Variants in TEP1 observed in about 807,000 individuals in gnomAD.
TEP1 encodes the protein telomerase protein component 1.
Under a neutral mutation model 306.3 loss-of-function variants are expected in TEP1, and 241 were observed. That is an observed-to-expected ratio of 0.79 (90% confidence interval 0.71 to 0.88). The LOEUF (loss-of-function observed/expected upper bound fraction) is 0.88. TEP1 is among the 40% of genes least tolerant of loss of function. The probability of loss-of-function intolerance (pLI) is 0.00; values close to 1 mark genes in which losing one functional copy is unlikely to be tolerated. For synonymous variants in TEP1, 1,289 were observed against 1,305.5 expected (o/e 0.99, Z 0.27); for missense variants, 3,051 against 3,276.1 (o/e 0.93, Z 1.68).
chr14:20,393,636 A>T (rs1271212515), intron 12 of TEP1, among the ~76,000 whole-genome samples: 2 of 152,178 alleles, frequency 1.3e-5, no homozygotes, highest in Admixed American at 6.5e-5. Flanking sequence ...TACTAAAAAT[A>T]CAAAAATTAG....
intron 1 of TEP1, among the ~76,000 whole-genome samples, chr14:20,410,591 T>A (rs1243515966): frequency 7.3e-6 from 1 of 137,184 alleles, no homozygotes; most frequent in Non-Finnish European, 1.5e-5. Flanking sequence ...CCCAGCTGAT[T>A]TTTTTTTCTT....
At position 20,381,462 on chromosome 14, in the gene TEP1, G is replaced by T. The variant is rs1263639022; in HGVS notation, c.4559-61C>A. On this transcript the variant is annotated intron_variant, in intron 31 of 54. Transcript: ENST00000262715. The surrounding 1 kb of genome is among the most constrained non-coding windows in gnomAD (Gnocchi z 4.0). ...CATCATTCCCAAGGGCAGTAGGTGA[G>T]CTGGCCAGCAGATGGGAGCACAGTG... The T allele has an allele frequency of 4.3e-6, 7 of 1,612,508 alleles. No homozygotes were observed. In the East Asian group the frequency reaches 1.6e-4, roughly 36 times the overall value.
At chr14:20,398,057 G>A (rs114207117) in intron 9 of TEP1, among the ~76,000 whole-genome samples, 7,647 of 151,012 alleles carry the variant, frequency 0.051, 199 homozygotes, top group South Asian at 0.079. Context: ...CCAGCCCATA[G>A]TTTCTTAATA....
rs1876570750 is a variant in TEP1 at position 20,381,841 on chromosome 14, A to T, written c.4424+72T>A. The T allele has an allele frequency of 6.3e-7, 1 of 1,584,738 alleles. No individual in the cohort carries two copies. The highest frequency in any genetic ancestry group is 1.3e-5 in the African/African-American group (1 of 74,164). On this transcript the variant is annotated intron_variant, in intron 30 of 54. Coordinates refer to ENST00000262715, the MANE Select transcript of TEP1 (RefSeq NM_007110.5). This position sits in a 1 kb window ranked among gnomAD's most constrained non-coding sequence, Gnocchi z 4.0. ...GGTCTGGGAGCCAGTTGTTGAAGCT[A>T]TACAGAGGGCCCCGGCTCAAAGAAG... is the stretch of plus-strand genomic sequence containing the variant.
chr14:20,404,652 G>A lies in TEP1; in HGVS notation c.991C>T (p.Gln331Ter), dbSNP rs1879027824. The A allele has an allele frequency of 6.2e-7, 1 of 1,614,118 alleles. No homozygotes were observed. The highest frequency in any genetic ancestry group is 8.5e-7 in the Non-Finnish European group (1 of 1,179,990). The part of the protein sequence containing the change: ...HLRRYFCAIV[Q>*]LPSDWIQVAE... ...ACCTGGATCCAGTCAGAAGGCAGCT[G>A]GACAATGGCACAGAAATATCGTCGC... Residue 331 changes from glutamine (Q) to a stop codon, truncating the protein, a stop_gained, in exon 5 of 55, where the codon CAG (glutamine) becomes TAG (stop). Transcript: ENST00000262715. LOFTEE classifies it high-confidence loss of function.
At chr14:20,399,507 A>G (rs113381912) in intron 9 of TEP1, among the ~76,000 whole-genome samples, 5,460 of 151,586 alleles carry the variant, frequency 0.036, 127 homozygotes, top group South Asian at 0.076. Context: ...TATATTTTAT[A>G]CTTATATCTT....
rs894964315 is a variant in TEP1 at position 20,379,789 on chromosome 14, A to G, written c.5127+141T>C. The G allele has an allele frequency of 2.6e-6, 3 of 1,158,300 alleles. No homozygotes were observed. In the African/African-American group the frequency reaches 4.6e-5, roughly 18 times the overall value. The allele number at this position is 1,158,300 out of a possible 1,614,324, so 71.8% of individuals were successfully genotyped here. ...TTGCTGTGTGATTGATTTTTTGGCCAAGCCCTTTGAGCTGATGTGCAGGCA... is the reference window on the plus strand; with the variant it reads ...TTGCTGTGTGATTGATTTTTTGGCCGAGCCCTTTGAGCTGATGTGCAGGCA... On this transcript the variant is annotated intron_variant, in intron 35 of 54. Coordinates refer to ENST00000262715, the MANE Select transcript of TEP1 (RefSeq NM_007110.5).
intron 41 of TEP1, 28 bp downstream of exon 41, chr14:20,377,249 TTTG>T: frequency 6.6e-7 from 1 of 1,515,444 alleles, no homozygotes; most frequent in South Asian, 1.2e-5. Flanking sequence ...AGAACAGTAA[TTTG>T]TTAACCCTGC....
Position 20,377,432 on chromosome 14 carries a change from C to G in TEP1, c.5936G>C (p.Ser1979Thr), listed in dbSNP as rs1885244689. Residue 1979 changes from serine to threonine, a missense_variant, in exon 41 of 55, where the codon AGC becomes ACC. Around this residue, in one of 3 missense-constraint regions of TEP1, gnomAD observed 1,540 missense variants for 1,705.9 expected, o/e 0.90. Coordinates refer to ENST00000262715, the MANE Select transcript of TEP1 (RefSeq NM_007110.5). Reference sequence around the variant, plus strand: ...TGCACCACTCACCAATACCTTGGGGCTTAGCCAGGCCAGGGCGGACACTGC... The same window carrying G: ...TGCACCACTCACCAATACCTTGGGGGTTAGCCAGGCCAGGGCGGACACTGC... ...DVAVSALAWL[S>T]PKVLVSGAED... is the part of the protein sequence containing the mutation. 1 of 1,614,022 alleles carries G rather than the reference C, an allele frequency of 6.2e-7. No homozygotes were observed. Among genetic ancestry groups the G allele is most frequent in the African/African-American group, 1.3e-5 (1 of 74,894 alleles).
intron 1 of TEP1, among the ~76,000 whole-genome samples, chr14:20,409,675 G>A (rs1391459383): frequency 6.6e-6 from 1 of 152,088 alleles, no homozygotes; most frequent in Non-Finnish European, 1.5e-5. Context: ...ATCTTGGTTG[G>A]ATAAGATACT....
chr14:20,401,291 G>C (rs1278080877), intron 8 of TEP1, 150 bp from the exon 9 acceptor site: 6 of 1,373,216 alleles, frequency 4.4e-6, no homozygotes, highest in Non-Finnish European at 5.9e-6. Context: ...GTTTACAGGT[G>C]AGTCAGAAAA....
Position 20,404,632 on chromosome 14 carries a change from G to A in TEP1, c.1011C>T (p.Ile337=). The part of the protein sequence containing the change: ...CAIVQLPSDW[I]QVAELYQSLA... The stretch of plus-strand genomic sequence containing the variant: ...ATACCTGGTAAAGCTCAGCCACCTG[G>A]ATCCAGTCAGAAGGCAGCTGGACAA... Residue 337 remains isoleucine (I), a synonymous_variant, in exon 5 of 55, where the codon ATC becomes ATT. Coordinates refer to ENST00000262715, the MANE Select transcript of TEP1 (RefSeq NM_007110.5). 1.9e-6 allele frequency: 3 copies of A among 1,613,774 alleles called. No homozygotes were observed. The highest frequency in any genetic ancestry group is 2.5e-6 in the Non-Finnish European group (3 of 1,179,840).
In TEP1 at chr14:20,405,423, C is replaced by T. The variant is rs779999028; in HGVS notation, c.870+28G>A. ...CACTCCCAGTCTACCAGCTTCACAC[C>T]CCCATCCCCTCCTTCACACCTCAAT... On this transcript the variant is annotated intron_variant, in intron 4 of 54. Coordinates refer to ENST00000262715, the MANE Select transcript of TEP1 (RefSeq NM_007110.5). 1.1e-5 allele frequency: 17 copies of T among 1,612,178 alleles called. No individual in the cohort carries two copies. The African/African-American group carries it at 1.5e-4, about 14-fold the overall frequency.
rs932094012 is a variant in TEP1 at position 20,385,358 on chromosome 14, A to AT, written c.2983-250dup. On this transcript the variant is annotated intron_variant, in intron 20 of 54. Coordinates refer to ENST00000262715, the MANE Select transcript of TEP1 (RefSeq NM_007110.5). Reference sequence around the variant, plus strand: ...TTGAGTATTCTGTTACAGACCTTTGATTTTTTTTTATTTTTTATTTTTTGT... The same window carrying AT: ...TTGAGTATTCTGTTACAGACCTTTGATTTTTTTTTTATTTTTTATTTTTTGT... 9.0e-4 allele frequency among the ~76,000 whole-genome samples: 136 copies of AT among 150,554 alleles called. No homozygotes were observed. The East Asian group carries it at 0.016, about 18-fold the overall frequency.
In TEP1 at chr14:20,385,027, G is replaced by A; in HGVS notation, c.3065C>T (p.Ser1022Phe). ...FLNRNQRLQP[S>F]AQALIYFRDS... is the part of the protein sequence containing the mutation. Reference sequence around the variant, plus strand: ...CCGGAAGTAGATGAGAGCTTGGGCAGAGGGCTGCAGACGTTGGTTCCGGTT... The same window carrying A: ...CCGGAAGTAGATGAGAGCTTGGGCAAAGGGCTGCAGACGTTGGTTCCGGTT... Residue 1022 changes from serine to phenylalanine, a missense_variant, in exon 21 of 55, where the codon TCT (serine) becomes TTT (phenylalanine). Coordinates refer to ENST00000262715, the MANE Select transcript of TEP1 (RefSeq NM_007110.5). The A allele has an allele frequency of 4.3e-6, 7 of 1,614,228 alleles. No homozygotes were observed. The highest frequency in any genetic ancestry group is 5.9e-6 in the Non-Finnish European group (7 of 1,180,038).
At chr14:20,398,046 C>CCT (rs1566475251) in intron 9 of TEP1, among the ~76,000 whole-genome samples, 1 of 151,798 alleles carries the variant, frequency 6.6e-6, no homozygotes, top group Non-Finnish European at 1.5e-5. Context: ...AGCCACCATG[C>CCT]CCAGCCCATA....
intron 8 of TEP1, 35 bp from the exon 9 acceptor site, chr14:20,401,176 G>GAGA (rs775222757): frequency 1.2e-6 from 2 of 1,608,098 alleles, no homozygotes; most frequent in Non-Finnish European, 1.7e-6. Context: ...TATCATTTCA[G>GAGA]AGTCAGCAAG....
At chr14:20,388,433 T>C (rs111629125) in intron 17 of TEP1, among the ~76,000 whole-genome samples, 7,163 of 152,244 alleles carry the variant, frequency 0.047, 181 homozygotes, top group South Asian at 0.088. Flanking sequence ...CCTGAGGCTT[T>C]CTCATAGGAG....
chr14:20,375,730 G>A (rs1760908), intron 43 of TEP1, 25 bp downstream of exon 43: 362,291 of 1,557,048 alleles, frequency 0.23, 44,201 homozygotes, highest in African/African-American at 0.38. Context: ...GCTGGGCTCT[G>A]TGCCACCCCT....
Sources: allele counts gnomAD v4.1 joint callset (sites outside exome capture counted in the v4.1 genomes callset), GRCh38; gene constraint gnomAD v4.1.1; regional missense constraint gnomAD v4.1.1; non-coding constraint Gnocchi (gnomAD v3.1); transcripts MANE v1.5; gene names NCBI Gene and HGNC (gene_info 2026-07-23, HGNC 2026-07-21).